Variants in RPA1 observed in about 807,000 individuals in gnomAD.
The protein encoded by RPA1 is replication protein A 70 kDa DNA-binding subunit.
Under a neutral mutation model 83.0 loss-of-function variants are expected in RPA1, and 49 were observed. The ratio of observed to expected loss-of-function variants is 0.59; its 90% CI spans 0.47 to 0.75. The LOEUF (loss-of-function observed/expected upper bound fraction) is 0.75. Among genes scored for constraint, RPA1 ranks in the 30% least tolerant of loss-of-function variants. RPA1 has a pLI of 0.00. For missense variants in RPA1, 693 were observed against 776.1 expected, an observed-to-expected ratio of 0.89 and a Z score of 1.27; for synonymous variants, 279 against 281.8, an observed-to-expected ratio of 0.99 and a Z score of 0.10.
At chr17:1,877,846 T>A (rs1412489056) in intron 8 of RPA1, among the ~76,000 whole-genome samples, 1 of 152,208 alleles carries the variant, frequency 6.6e-6, no homozygotes, top group East Asian at 1.9e-4. Flanking sequence ...TTATTTAAAC[T>A]AAACAAAACC....
At chr17:1,892,692 A>G (rs898076127) in intron 15 of RPA1, among the ~76,000 whole-genome samples, 2 of 152,228 alleles carry the variant, frequency 1.3e-5, no homozygotes, top group Non-Finnish European at 2.9e-5. Context: ...CTGTCCTATA[A>G]AACAATAATA....
chr17:1,838,888 T>A (rs999185811), intron 1 of RPA1, among the ~76,000 whole-genome samples: 9 of 152,212 alleles, frequency 5.9e-5, no homozygotes, highest in Non-Finnish European at 1.0e-4. Flanking sequence ...CCTCGCTCTG[T>A]CACCCAGGCT....
intron 11 of RPA1, 89 bp from the exon 12 acceptor site, chr17:1,880,454 A>G (rs140443810): frequency 2.6e-4 from 345 of 1,336,590 alleles, no homozygotes; most frequent in African/African-American, 2.9e-5. Flanking sequence ...CATTCACTCT[A>G]CTATTGAATG....
chr17:1,846,693 TTTCTGTGTGTTATTCC>T (rs2151272607), intron 4 of RPA1, among the ~76,000 whole-genome samples: 1 of 152,300 alleles, frequency 6.6e-6, no homozygotes, highest in South Asian at 2.1e-4. Flanking sequence ...CAACGAAGTT[TTTCTGTGTGTTATTCC>T]TTAATGTTGT....
intron 1 of RPA1, among the ~76,000 whole-genome samples, chr17:1,837,361 G>T (rs572797269): frequency 6.6e-6 from 1 of 152,132 alleles, no homozygotes; most frequent in African/African-American, 2.4e-5. Flanking sequence ...AACAAAATTT[G>T]TTTATTTACT....
chr17:1,858,904 ATTTT>A (rs1258736709), intron 5 of RPA1, among the ~76,000 whole-genome samples: 3 of 79,078 alleles, frequency 3.8e-5, no homozygotes, highest in Non-Finnish European at 9.2e-5. Context: ...TTTTTATTTT[ATTTT>A]TTTTTTTTTT....
In RPA1 at chr17:1,872,546, G is replaced by A. The variant is rs766440237; in HGVS notation, c.454+20G>A. 1.7e-5 allele frequency: 27 copies of A among 1,611,980 alleles called. No individual in the cohort carries two copies. The highest frequency in any genetic ancestry group is 5.0e-5 in the Admixed American group (3 of 59,746). On this transcript the variant is annotated intron_variant, in intron 6 of 16. Coordinates refer to ENST00000254719, the MANE Select transcript of RPA1 (RefSeq NM_002945.5). The stretch of plus-strand genomic sequence containing the variant: ...GAATGGGTGAGATGCCTCACGGGGC[G>A]TGCGCTGACCAGGGGTGTCAGACTT...
At chr17:1,878,094 G>C (rs1226516271) in intron 8 of RPA1, among the ~76,000 whole-genome samples, 2 of 152,134 alleles carry the variant, frequency 1.3e-5, no homozygotes, top group Non-Finnish European at 2.9e-5. Context: ...AGCTGGGTAT[G>C]GTGGCAGGTG....
chr17:1,893,996 G>T (rs1285244916), intron 15 of RPA1, among the ~76,000 whole-genome samples: 2 of 150,778 alleles, frequency 1.3e-5, no homozygotes, highest in Non-Finnish European at 3.0e-5. Context: ...GAGTAGCTGG[G>T]ACTACTGGTA....
At chr17:1,849,673 C>T (rs1223678278) in intron 4 of RPA1, among the ~76,000 whole-genome samples, 4 of 150,484 alleles carry the variant, frequency 2.7e-5, no homozygotes, top group East Asian at 1.9e-4. Context: ...CTTTGTTGGA[C>T]GATGGTAATG....
chr17:1,868,407 T>C (rs1357484527), intron 5 of RPA1, among the ~76,000 whole-genome samples: 1 of 152,194 alleles, frequency 6.6e-6, no homozygotes, highest in Non-Finnish European at 1.5e-5. Context: ...AATCCAGAAC[T>C]TGTGCCATGT....
intron 15 of RPA1, among the ~76,000 whole-genome samples, chr17:1,893,292 C>T (rs796379089): frequency 2.6e-5 from 4 of 152,296 alleles, no homozygotes; most frequent in African/African-American, 9.6e-5. Flanking sequence ...GTTTTTTCTG[C>T]CGGTGAATGA....
At chr17:1,890,724 A>G (rs939449741) in intron 14 of RPA1, among the ~76,000 whole-genome samples, 1 of 152,248 alleles carries the variant, frequency 6.6e-6, no homozygotes, top group African/African-American at 2.4e-5. Context: ...TTAGCAGGAC[A>G]GTTCTACGTT....
intron 1 of RPA1, among the ~76,000 whole-genome samples, chr17:1,832,926 T>G (rs899402812): frequency 6.7e-6 from 1 of 148,830 alleles, no homozygotes; most frequent in Admixed American, 6.7e-5. Flanking sequence ...ATTATTGTGT[T>G]TGTTTGTTTG....
intron 1 of RPA1, among the ~76,000 whole-genome samples, chr17:1,833,036 C>T (rs1257822347): frequency 6.6e-6 from 1 of 152,154 alleles, no homozygotes; most frequent in Non-Finnish European, 1.5e-5. Context: ...AAGCGATTCT[C>T]CTGTCTTAGC....
At position 1,853,163 on chromosome 17, in the gene RPA1, T is replaced by G. The variant is rs1912562389; in HGVS notation, c.335T>G (p.Ile112Ser). The change falls in exon 5 of 17, where the codon ATT (isoleucine) becomes AGT (serine). Residue 112 changes from isoleucine (I) to serine (S), a missense_variant. Ile to Ser is a moderately radical substitution (Grantham distance 142). Transcript: ENST00000254719. Reference protein sequence around the residue: ...LKSAEAVGVKIGNPVPYNEGL... With the variant: ...LKSAEAVGVKSGNPVPYNEGL... ...TCAGCTGAAGCAGTTGGAGTGAAGA[T>G]TGGCAATCCAGTGCCCTATAATGAA... The G allele has an allele frequency of 1.2e-6, 2 of 1,614,008 alleles. No homozygotes were observed. Among genetic ancestry groups the G allele is most frequent in the Non-Finnish European group, 1.7e-6 (2 of 1,180,004 alleles).
rs1912108371 is a variant in RPA1 at position 1,842,819 on chromosome 17, G to C, written c.50G>C (p.Gly17Ala). The change falls in exon 2 of 17, where the codon GGG (glycine) becomes GCG (alanine). Residue 17 changes from glycine to alanine, a missense_variant. Physicochemically the swap from Gly to Ala is moderately conservative, Grantham distance 60. Coordinates refer to ENST00000254719, the MANE Select transcript of RPA1 (RefSeq NM_002945.5). ...EGAIAAIMQK[G>A]DTNIKPILQV... ...CTCCCTCAGGCCATCATGCAGAAGG[G>C]GGATACAAACATAAAGCCCATCCTC... 6.2e-7 allele frequency: 1 copy of C among 1,613,924 alleles called. No individual in the cohort carries two copies. The highest frequency in any genetic ancestry group is 1.7e-5 in the Admixed American group (1 of 59,992).
rs940712026 is a variant in RPA1 at position 1,879,598 on chromosome 17, A to G, written c.991A>G (p.Lys331Glu). 3.1e-6 allele frequency: 5 copies of G among 1,614,130 alleles called. No homozygotes were observed. Among genetic ancestry groups the G allele is most frequent in the Non-Finnish European group, 4.2e-6 (5 of 1,180,052 alleles). Reference protein sequence around the residue: ...GICKSYEDATKITVRSNNREV... With the variant: ...GICKSYEDATEITVRSNNREV... ...CTGCAAGAGCTATGAAGACGCCACT[A>G]AAATCACAGTGAGGTCTAACAACAG... is the stretch of plus-strand genomic sequence containing the variant. Residue 331 changes from lysine (K) to glutamate (E), a missense_variant, in exon 11 of 17, where the codon AAA becomes GAA. Physicochemically the swap from Lys to Glu is moderately conservative, Grantham distance 56. Transcript: ENST00000254719.
intron 5 of RPA1, among the ~76,000 whole-genome samples, chr17:1,861,598 A>G (rs1427768909): frequency 1.3e-5 from 2 of 152,112 alleles, no homozygotes; most frequent in East Asian, 1.9e-4. Context: ...CAAATCTCAC[A>G]GCTGTTTCTT....
Sources: allele counts gnomAD v4.1 joint callset (sites outside exome capture counted in the v4.1 genomes callset), GRCh38; gene constraint gnomAD v4.1.1; transcripts MANE v1.5; gene names NCBI Gene and HGNC (gene_info 2026-07-23, HGNC 2026-07-21).